Variants in TBATA observed in about 807,000 individuals in gnomAD.
TBATA encodes thymus, brain and testes associated, also known as protein TBATA.
A neutral mutation model predicts 38.7 loss-of-function variants in TBATA; 47 were observed. The observed-to-expected ratio is 1.21, with a 90% CI of 0.96 to 1.55. TBATA has a LOEUF of 1.55. TBATA is among the 40% of genes most tolerant of loss of function. The pLI is 0.00. For synonymous variants in TBATA, 183 were observed against 170.5 expected, an observed-to-expected ratio of 1.07 and a Z score of -0.57; for missense variants, 436 against 435.6, an observed-to-expected ratio of 1.00 and a Z score of -0.01.
chr10:70,783,238 G>T, intron 3 of TBATA, 101 bp downstream of exon 3: 2 of 1,359,054 alleles, frequency 1.5e-6, no homozygotes, highest in Non-Finnish European at 2.1e-6. Context: ...CACCTCTCTT[G>T]GACTCCTAAT....
chr10:70,772,521 T>A lies in TBATA; in HGVS notation c.966A>T (p.Glu322Asp). 5 of 1,614,218 alleles carry A rather than the reference T, an allele frequency of 3.1e-6. No homozygotes were observed. Among genetic ancestry groups the A allele is most frequent in the Non-Finnish European group, 4.2e-6 (5 of 1,180,020 alleles). The part of the protein sequence containing the change: ...KTKISPFTKS[E>D]KPEYIGEAQV... ...CACTACTTGGAATCTTACCTGGTTTTTCGCTTTTTGTAAAAGGTGATATCT... is the reference window on the plus strand; with the variant it reads ...CACTACTTGGAATCTTACCTGGTTTATCGCTTTTTGTAAAAGGTGATATCT... The change falls in exon 10 of 11, where the codon GAA (glutamate) becomes GAT (aspartate). Residue 322 changes from glutamate (E) to aspartate (D), a missense_variant. Physicochemically the swap from Glu to Asp is conservative, Grantham distance 45. Coordinates refer to ENST00000456372, the MANE Select transcript of TBATA (RefSeq NM_001318241.2).
intron 10 of TBATA, among the ~76,000 whole-genome samples, chr10:70,771,779 C>T (rs1375002584): frequency 6.6e-6 from 1 of 152,106 alleles, no homozygotes; most frequent in African/African-American, 2.4e-5. Flanking sequence ...CTTTTCTCTC[C>T]CCTCCAGCCT....
intron 5 of TBATA, 120 bp downstream of exon 5, chr10:70,779,473 C>A: frequency 8.3e-7 from 1 of 1,198,176 alleles, no homozygotes; most frequent in Non-Finnish European, 1.1e-6. Flanking sequence ...GGGGTTCCCC[C>A]AACGGACCTC....
chr10:70,772,648 G>C, intron 9 of TBATA, 82 bp from the exon 10 acceptor site: 1 of 1,450,026 alleles, frequency 6.9e-7, no homozygotes, highest in Non-Finnish European at 9.7e-7. Context: ...CAGGGAGGTG[G>C]GGAAGGTGGT....
rs147521712 is a variant in TBATA, at chr10:70,784,416, A to G, written c.-147+231T>C. ...CCAAGAATTATGATTAAATCTATGG[A>G]CCTGAATATATATATCTAGCCAAAG... On this transcript the variant is annotated intron_variant, in intron 2 of 10. Transcript: ENST00000456372. 2.4e-3 allele frequency among the ~76,000 whole-genome samples: 367 copies of G among 152,290 alleles called. 1 individual carries two copies. The highest frequency in any genetic ancestry group is 8.4e-3 in the African/African-American group (349 of 41,544).
rs138567124 is a variant in TBATA, at chr10:70,777,278, C to A, written c.568G>T (p.Gly190Trp). ...CGGGTGGAAGCGGGGATGAGCCTCC[C>A]AGTCTCTGCTGAGTACTTTGCCCCC... ...EQGAKYSAET[G>W]RLIPASTRAV... Residue 190 changes from glycine (G) to tryptophan (W), a missense_variant, in exon 7 of 11, where the codon GGG becomes TGG. Coordinates refer to ENST00000456372, the MANE Select transcript of TBATA (RefSeq NM_001318241.2). The A allele has an allele frequency of 4.3e-6, 7 of 1,613,692 alleles. No homozygotes were observed. In the African/African-American group the frequency reaches 9.3e-5, roughly 22 times the overall value.
At chr10:70,782,755 G>T in intron 3 of TBATA, 1 of 597,016 alleles carries the variant, frequency 1.7e-6, no homozygotes, top group Non-Finnish European at 2.1e-6. Context: ...CTTGGAGGAA[G>T]GTCAAGATCA....
intron 2 of TBATA, among the ~76,000 whole-genome samples, chr10:70,784,349 A>T (rs1201185500): frequency 6.6e-6 from 1 of 152,172 alleles, no homozygotes; most frequent in Non-Finnish European, 1.5e-5. Flanking sequence ...TTATTAAATA[A>T]ACTAATTAAA....
intron 6 of TBATA, 34 bp downstream of exon 6, chr10:70,778,523 T>G: frequency 6.3e-7 from 1 of 1,598,724 alleles, no homozygotes; most frequent in Middle Eastern, 1.7e-4. Flanking sequence ...CCGTTTCTCC[T>G]CTTCCCAGAC....
chr10:70,778,428 C>T, intron 6 of TBATA, 129 bp downstream of exon 6: 1 of 926,732 alleles, frequency 1.1e-6, no homozygotes, highest in Non-Finnish European at 1.8e-6. Flanking sequence ...GACCTTTCCC[C>T]TGACGTTTGT....
At chr10:70,776,041 C>G (rs950401934) in intron 7 of TBATA, among the ~76,000 whole-genome samples, 1 of 152,214 alleles carries the variant, frequency 6.6e-6, no homozygotes, top group African/African-American at 2.4e-5. Flanking sequence ...GTGGCTGTAG[C>G]TATGGCAGGC....
chr10:70,774,612 C>T (rs35502478), intron 8 of TBATA, among the ~76,000 whole-genome samples: 36,251 of 151,990 alleles, frequency 0.24, 4,794 homozygotes, highest in Non-Finnish European at 0.31. Context: ...TCCTGCCCAC[C>T]ATATCCCCGG....
chr10:70,779,489 C>A (rs1465845267), intron 5 of TBATA, 104 bp downstream of exon 5: 8 of 1,328,596 alleles, frequency 6.0e-6, no homozygotes, highest in Non-Finnish European at 7.9e-6. Context: ...ACCTCACTGA[C>A]CTAAGAGCGA....
intron 4 of TBATA, among the ~76,000 whole-genome samples, chr10:70,781,131 C>T (rs1589414680): frequency 6.6e-6 from 1 of 152,226 alleles, no homozygotes; most frequent in African/African-American, 2.4e-5. Context: ...TGCTTCCTTG[C>T]TGCTGCTCCA....
intron 1 of TBATA, among the ~76,000 whole-genome samples, 177 bp from the exon 2 acceptor site, chr10:70,784,950 ATTTTTACCCTATTTTTGG>A (rs1272775860): frequency 3.9e-5 from 6 of 152,236 alleles, no homozygotes; most frequent in Admixed American, 3.9e-4. Context: ...GCACACTGAT[ATTTTTACCCTATTTTTGG>A]TTTTTATTTC....
chr10:70,782,434 T>A (rs1564598366), intron 3 of TBATA: 5 of 1,295,944 alleles, frequency 3.9e-6, no homozygotes, highest in Non-Finnish European at 4.0e-6. Context: ...CAGGGGCCTC[T>A]CCCCAAGCCA....
rs144574478 is a variant in TBATA, at chr10:70,775,205, G to C, written c.759C>G (p.Leu253=). 228 of 1,614,074 alleles carry C rather than the reference G, an allele frequency of 1.4e-4. No homozygotes were observed. The African/African-American group carries it at 2.5e-3, about 18-fold the overall frequency. ...TGTCCTCACCCTTGGGCGGAGCGTA[G>C]AGCAGCCAGAACTGGATTGCGCTTA... ...DLLSAIQFWL[L]YAPPKEKDLA... The change falls in exon 8 of 11, where the codon CTC becomes CTG. Residue 253 remains leucine (L), a synonymous_variant. Coordinates refer to ENST00000456372, the MANE Select transcript of TBATA (RefSeq NM_001318241.2).
In TBATA at chr10:70,783,459, C is replaced by A. The variant is rs1844516080; in HGVS notation, c.-80G>T. 18 of 1,530,882 alleles carry A rather than the reference C, an allele frequency of 1.2e-5. No individual in the cohort carries two copies. The South Asian group carries it at 1.5e-4, about 12-fold the overall frequency. 94.8% of individuals were successfully genotyped at this position (1,530,882 alleles called of 1,614,324 possible). A position where few individuals can be genotyped will look rare whatever the true frequency, so the allele number is the denominator to read the frequency against. ...GCAGAACAGGAACTCTCACTTAATACTAGTGTTGAGGATGCAGAACAGGAA... is the reference window on the plus strand; with the variant it reads ...GCAGAACAGGAACTCTCACTTAATAATAGTGTTGAGGATGCAGAACAGGAA... On this transcript the variant is annotated 5_prime_UTR_variant, in exon 3 of 11. Transcript: ENST00000456372.
rs529298761 is a variant in TBATA, at chr10:70,783,492, G to A, written c.-113C>T. 1.4e-5 allele frequency: 18 copies of A among 1,257,144 alleles called. No homozygotes were observed. The highest frequency in any genetic ancestry group is 1.3e-4 in the Admixed American group (7 of 54,876). 77.9% of individuals were successfully genotyped at this position (1,257,144 alleles called of 1,614,324 possible). On this transcript the variant is annotated 5_prime_UTR_variant, in exon 3 of 11. Transcript: ENST00000456372. ...GAGGATGCAGAACAGGAACTCTCACGAACTGGTGGTGGAAGTGTAAACGGG... is the reference window on the plus strand; with the variant it reads ...GAGGATGCAGAACAGGAACTCTCACAAACTGGTGGTGGAAGTGTAAACGGG...
Sources: allele counts gnomAD v4.1 joint callset (sites outside exome capture counted in the v4.1 genomes callset), GRCh38; gene constraint gnomAD v4.1.1; transcripts MANE v1.5; gene names NCBI Gene and HGNC (gene_info 2026-07-23, HGNC 2026-07-21).